BCKDHB: variants seen among roughly 807,000 people sequenced by gnomAD.
The protein encoded by BCKDHB is branched chain keto acid dehydrogenase E1 subunit beta.
In BCKDHB, 41 loss-of-function variants were observed where a neutral mutation model predicts 48.5. The observed-to-expected ratio is 0.85, with a 90% confidence interval of 0.66 to 1.10. BCKDHB has a LOEUF of 1.10. BCKDHB is among the 50% of genes least tolerant of loss of function. BCKDHB has a pLI of 0.00. For synonymous variants in BCKDHB, 201 were observed against 174.8 expected, an observed-to-expected ratio of 1.15 and a Z score of -1.18; for missense variants, 496 against 494.2, an observed-to-expected ratio of 1.00 and a Z score of -0.03.
chr6:80,210,146 A>AC (rs1458074833), intron 8 of BCKDHB, among the ~76,000 whole-genome samples: 1 of 151,714 alleles, frequency 6.6e-6, no homozygotes, highest in Non-Finnish European at 1.5e-5. Context: ...AAAAAAAAAA[A>AC]AAAAAAAACC....
chr6:80,425,499 A>G, the BCKDHB span, among the ~76,000 whole-genome samples: 1 of 152,212 alleles, frequency 6.6e-6, no homozygotes, highest in Non-Finnish European at 1.5e-5. Context: ...CAGGAAAGGA[A>G]TTACATCTGG....
rs1998580 is a variant in BCKDHB, at chr6:80,228,796, C to T, written c.951+25584C>T. On this transcript the variant is annotated intron_variant, in intron 8 of 9. Transcript: ENST00000320393. ...CTTGAGGTGTACTGACCCAACTTGT[C>T]ACCAGCCTGGGCTCTCAGAAGGTTT... Among the ~76,000 whole-genome samples, 799 of 152,194 alleles carry T rather than the reference C, an allele frequency of 5.2e-3. 4 individuals carry two copies. Among genetic ancestry groups the T allele is most frequent in the South Asian group, 0.012 (58 of 4,824 alleles).
chr6:80,437,332 T>G, the BCKDHB span, among the ~76,000 whole-genome samples: 1 of 152,354 alleles, frequency 6.6e-6, no homozygotes, highest in South Asian at 2.1e-4. Flanking sequence ...AGATTACTCA[T>G]GTATGCATTC....
chr6:80,241,359 T>A (rs1406017370), intron 8 of BCKDHB, among the ~76,000 whole-genome samples: 1 of 152,232 alleles, frequency 6.6e-6, no homozygotes, highest in African/African-American at 2.4e-5. Context: ...TCAGCTCTTC[T>A]GCTCTGGTTT....
chr6:80,344,312 C>T lies in BCKDHB; in HGVS notation c.*508C>T, dbSNP rs1388746524. The stretch of plus-strand genomic sequence containing the variant: ...GAGCCACTGCACCTGGCTATATTTA[C>T]ATTTAATAGAAACATATCTAGCATA... On this transcript the variant is annotated 3_prime_UTR_variant, in exon 10 of 10. Transcript: ENST00000320393. The T allele has an allele frequency of 5.7e-6, 1 of 176,518 alleles. No individual in the cohort carries two copies. The highest frequency in any genetic ancestry group is 1.2e-5 in the Non-Finnish European group (1 of 84,840). The allele number at this position is 176,518 out of a possible 1,614,324, so 10.9% of individuals were successfully genotyped here. A position where few individuals can be genotyped will look rare whatever the true frequency, so the allele number is the denominator to read the frequency against.
At chr6:80,205,097 A>G (rs1774580829) in intron 8 of BCKDHB, among the ~76,000 whole-genome samples, 1 of 152,064 alleles carries the variant, frequency 6.6e-6, no homozygotes, top group South Asian at 2.1e-4. Context: ...TTCGTTGCTG[A>G]TGATGGTACC....
At chr6:80,291,258 C>A (rs1270150674) in intron 9 of BCKDHB, among the ~76,000 whole-genome samples, 1 of 152,124 alleles carries the variant, frequency 6.6e-6, no homozygotes, top group African/African-American at 2.4e-5. Context: ...GATCAATCTT[C>A]TGTAACTTCT....
intron 3 of BCKDHB, among the ~76,000 whole-genome samples, chr6:80,157,588 C>G (rs1372188453): frequency 6.6e-6 from 1 of 151,206 alleles, no homozygotes; most frequent in Non-Finnish European, 1.5e-5. Context: ...GCCTCAGCCT[C>G]CGAAGTAGCT....
the BCKDHB span, among the ~76,000 whole-genome samples, chr6:80,398,753 T>A: frequency 6.6e-6 from 1 of 151,244 alleles, no homozygotes; most frequent in Non-Finnish European, 1.5e-5. Context: ...AGGCCAGAAT[T>A]ATCTTGATAC....
At chr6:80,318,239 A>G (rs1768541464) in intron 9 of BCKDHB, among the ~76,000 whole-genome samples, 1 of 152,200 alleles carries the variant, frequency 6.6e-6, no homozygotes, top group African/African-American at 2.4e-5. Flanking sequence ...GGATATAGAG[A>G]TATGGCTCCT....
At chr6:80,338,498 A>G (rs531512210) in intron 9 of BCKDHB, among the ~76,000 whole-genome samples, 30 of 152,192 alleles carry the variant, frequency 2.0e-4, no homozygotes, top group Non-Finnish European at 3.8e-4. Flanking sequence ...GCTTTCTGGC[A>G]GTGCTCTCCA....
At chr6:80,190,224 T>G (rs1773830314) in intron 6 of BCKDHB, among the ~76,000 whole-genome samples, 1 of 152,156 alleles carries the variant, frequency 6.6e-6, no homozygotes, top group Admixed American at 6.6e-5. Flanking sequence ...TTTAACACTT[T>G]GATTAGTCTC....
At chr6:80,359,176 G>T in the BCKDHB span, among the ~76,000 whole-genome samples, 4,456 of 152,272 alleles carry the variant, frequency 0.029, 210 homozygotes, top group African/African-American at 0.1. Flanking sequence ...TCTGAACCTG[G>T]TTTCCTGCTC....
At chr6:80,463,937 C>T in the BCKDHB span, among the ~76,000 whole-genome samples, 1 of 151,988 alleles carries the variant, frequency 6.6e-6, no homozygotes, top group South Asian at 2.1e-4. Flanking sequence ...TCCAGCATTC[C>T]CTTGGGCTCA....
intron 9 of BCKDHB, among the ~76,000 whole-genome samples, chr6:80,336,382 A>C (rs2128013827): frequency 6.6e-6 from 1 of 151,790 alleles, no homozygotes; most frequent in African/African-American, 2.4e-5. Flanking sequence ...TTTCGTTCTA[A>C]CTTCAAAAAA....
chr6:80,338,528 C>T (rs1374987762), intron 9 of BCKDHB, among the ~76,000 whole-genome samples: 4 of 152,108 alleles, frequency 2.6e-5, no homozygotes, highest in African/African-American at 9.7e-5. Context: ...CTCATACAGG[C>T]CTTACGTATT....
Position 80,196,913 on chromosome 6 carries a change from G to A in BCKDHB, c.743-4021G>A, listed in dbSNP as rs764314200. 2.6e-5 allele frequency among the ~76,000 whole-genome samples: 4 copies of A among 152,094 alleles called. No individual in the cohort carries two copies. The East Asian group carries it at 7.7e-4, about 29-fold the overall frequency. ...TGATATTTGCATTTTTACAATTTTG[G>A]CCTTGAAAAGATTTCTTATTTTTCT... On this transcript the variant is annotated intron_variant, in intron 6 of 9. Transcript: ENST00000320393.
chr6:80,325,475 G>A (rs1259989227), intron 9 of BCKDHB, among the ~76,000 whole-genome samples: 3 of 152,162 alleles, frequency 2.0e-5, no homozygotes, highest in Non-Finnish European at 4.4e-5. Context: ...GACTCTCAAA[G>A]CCTCCTGCAA....
the BCKDHB span, among the ~76,000 whole-genome samples, chr6:80,401,291 T>C: frequency 6.6e-6 from 1 of 151,904 alleles, no homozygotes; most frequent in Non-Finnish European, 1.5e-5. Context: ...TCATACTTAA[T>C]ATATGCCTCT....
Sources: allele counts gnomAD v4.1 joint callset (sites outside exome capture counted in the v4.1 genomes callset), GRCh38; gene constraint gnomAD v4.1.1; transcripts MANE v1.5; gene names NCBI Gene and HGNC (gene_info 2026-07-23, HGNC 2026-07-21).